PRKG1: variants seen among roughly 807,000 people sequenced by gnomAD.
The protein encoded by PRKG1 is protein kinase cGMP-dependent 1.
Under a neutral mutation model 88.1 loss-of-function variants are expected in PRKG1, and 35 were observed. The observed-to-expected ratio is 0.40, with a 90% CI of 0.30 to 0.53. The LOEUF (loss-of-function observed/expected upper bound fraction) is 0.53, where lower values mean the gene tolerates loss of function less well. Ranked by LOEUF, PRKG1 falls within the 20% of genes least tolerant of loss-of-function variation. PRKG1 has a pLI of 0.59. For synonymous variants in PRKG1, 303 were observed against 292.5 expected (o/e 1.04, Z -0.37); for missense variants, 540 against 839.8 (o/e 0.64, Z 4.41).
chr10:51,114,004 C>T lies in PRKG1; in HGVS notation c.311+39103C>T, dbSNP rs138973015. 9.5e-3 allele frequency among the ~76,000 whole-genome samples: 1,408 copies of T among 148,078 alleles called. 9 individuals carry two copies. The highest frequency in any genetic ancestry group is 0.018 in the Admixed American group (263 of 14,744). On this transcript the variant is annotated intron_variant, in intron 1 of 17. Coordinates refer to ENST00000373980, the MANE Select transcript of PRKG1 (RefSeq NM_006258.4). The stretch of plus-strand genomic sequence containing the variant: ...GTGTGTGTTGCTTTGATCATTTTAA[C>T]TAAAACTGTGTTTCTTTCCTGCCTC...
At chr10:51,168,595 G>C (rs1846613328) in intron 2 of PRKG1, among the ~76,000 whole-genome samples, 1 of 152,102 alleles carries the variant, frequency 6.6e-6, no homozygotes, top group Non-Finnish European at 1.5e-5. Context: ...GACTAAGTTT[G>C]AGAACCATGG....
intron 2 of PRKG1, among the ~76,000 whole-genome samples, chr10:51,408,693 G>A (rs527528065): frequency 9.3e-4 from 141 of 152,328 alleles, no homozygotes; most frequent in Middle Eastern, 3.4e-3. Context: ...GTGAGTGGAA[G>A]TCCGTGTTGA....
chr10:51,021,775 G>A (rs374501934), intron 1 of PRKG1, among the ~76,000 whole-genome samples: 197 of 152,278 alleles, frequency 1.3e-3, no homozygotes, highest in African/African-American at 3.9e-3. Context: ...CTGCCTTCCG[G>A]ATTCAAGTGA....
intron 5 of PRKG1, among the ~76,000 whole-genome samples, chr10:51,972,730 C>T (rs900420431): frequency 6.6e-6 from 1 of 152,108 alleles, no homozygotes; most frequent in African/African-American, 2.4e-5. Flanking sequence ...CCCAAGGTAA[C>T]TGTAGAGTAT....
intron 2 of PRKG1, among the ~76,000 whole-genome samples, chr10:51,199,250 A>G (rs1020603844): frequency 3.9e-5 from 6 of 152,228 alleles, no homozygotes; most frequent in Middle Eastern, 3.2e-3. Context: ...TTCACTATGT[A>G]TAACTTAGCA....
chr10:52,124,163 AT>A (rs1589627547), intron 7 of PRKG1, among the ~76,000 whole-genome samples: 1 of 152,144 alleles, frequency 6.6e-6, no homozygotes, highest in African/African-American at 2.4e-5. Flanking sequence ...GCTACTTAGA[AT>A]GGTGTGCAAT....
intron 3 of PRKG1, among the ~76,000 whole-genome samples, chr10:51,469,765 G>A (rs75383494): frequency 5.0e-4 from 76 of 151,932 alleles, no homozygotes; most frequent in African/African-American, 1.7e-3. Context: ...ATGCATCCGT[G>A]CATGTGTGTG....
At chr10:51,825,250 C>T (rs111991780) in intron 4 of PRKG1, among the ~76,000 whole-genome samples, 2 of 152,182 alleles carry the variant, frequency 1.3e-5, no homozygotes, top group Admixed American at 6.5e-5. Flanking sequence ...TTAATAGAGA[C>T]CAACTAAGTA....
intron 5 of PRKG1, among the ~76,000 whole-genome samples, chr10:51,918,234 C>A (rs1842386457): frequency 6.6e-6 from 1 of 152,118 alleles, no homozygotes; most frequent in South Asian, 2.1e-4. Flanking sequence ...TGCATTGTAA[C>A]TTGAAAGTTT....
chr10:51,524,400 G>T (rs1054633186), intron 3 of PRKG1, among the ~76,000 whole-genome samples: 2 of 152,164 alleles, frequency 1.3e-5, no homozygotes, highest in Non-Finnish European at 2.9e-5. Flanking sequence ...AGTAGTCTCT[G>T]TTGGAACTAT....
intron 9 of PRKG1, among the ~76,000 whole-genome samples, chr10:52,205,436 G>A (rs1377272231): frequency 6.6e-6 from 1 of 152,084 alleles, no homozygotes; most frequent in South Asian, 2.1e-4. Context: ...TCTCAGACCA[G>A]CCAACACTTA....
chr10:51,338,150 G>T (rs1841922265), intron 2 of PRKG1, among the ~76,000 whole-genome samples: 1 of 152,186 alleles, frequency 6.6e-6, no homozygotes. Context: ...CTTGTAAGTG[G>T]GAGCTGAACA....
intron 3 of PRKG1, among the ~76,000 whole-genome samples, chr10:51,745,708 C>T (rs1198379657): frequency 6.6e-6 from 1 of 151,952 alleles, no homozygotes; most frequent in East Asian, 1.9e-4. Context: ...GTCATTTTTT[C>T]CTAGCTAAAA....
chr10:51,179,448 A>G (rs1249712792), intron 2 of PRKG1, among the ~76,000 whole-genome samples: 1 of 152,210 alleles, frequency 6.6e-6, no homozygotes, highest in Admixed American at 6.5e-5. Context: ...ATCCGTACAT[A>G]TTCGTTTAAA....
At chr10:51,359,269 T>G (rs1482140585) in intron 2 of PRKG1, among the ~76,000 whole-genome samples, 3 of 151,926 alleles carry the variant, frequency 2.0e-5, no homozygotes, top group Non-Finnish European at 4.4e-5. Flanking sequence ...AAATTTTAGT[T>G]AAAGGTAGCC....
chr10:51,513,714 A>G (rs1474911390), intron 3 of PRKG1, among the ~76,000 whole-genome samples: 2 of 104,994 alleles, frequency 1.9e-5, no homozygotes, highest in Non-Finnish European at 3.8e-5. Flanking sequence ...GCTCAACTAC[A>G]TGGAAACTGA....
chr10:51,461,359 T>A (rs1328477206), intron 2 of PRKG1, among the ~76,000 whole-genome samples: 1 of 152,116 alleles, frequency 6.6e-6, no homozygotes, highest in Non-Finnish European at 1.5e-5. Flanking sequence ...GAAGCTTGGT[T>A]CTAACTAAAA....
At chr10:51,574,072 C>T (rs915147901) in intron 3 of PRKG1, among the ~76,000 whole-genome samples, 1 of 151,760 alleles carries the variant, frequency 6.6e-6, no homozygotes, top group Non-Finnish European at 1.5e-5. Flanking sequence ...CAGTTCTGGC[C>T]CCAGGAATTC....
At chr10:51,974,366 C>A (rs1843778763) in intron 5 of PRKG1, among the ~76,000 whole-genome samples, 1 of 152,144 alleles carries the variant, frequency 6.6e-6, no homozygotes, top group South Asian at 2.1e-4. Context: ...TCCTCCCCAC[C>A]CAAATCATTT....
Sources: allele counts gnomAD v4.1 joint callset (sites outside exome capture counted in the v4.1 genomes callset), GRCh38; gene constraint gnomAD v4.1.1; transcripts MANE v1.5; gene names NCBI Gene and HGNC (gene_info 2026-07-23, HGNC 2026-07-21).